Variants in PRRC1 observed in about 807,000 individuals in gnomAD.
PRRC1 encodes the protein protein PRRC1.
PRRC1 carries 39 observed loss-of-function variants against 40.7 expected under a neutral mutation model. That is an observed-to-expected ratio of 0.96 (90% confidence interval 0.74 to 1.25). PRRC1 has a LOEUF of 1.25. Ranked by LOEUF, PRRC1 falls within the 50% of genes most tolerant of loss-of-function variation. The pLI, the probability that PRRC1 is intolerant of heterozygous loss-of-function variation, is 0.00. For missense variants in PRRC1, 573 were observed against 548.3 expected, an observed-to-expected ratio of 1.05 and a Z score of -0.45; for synonymous variants, 175 against 193.3, an observed-to-expected ratio of 0.91 and a Z score of 0.79.
chr5:127,531,621 T>C (rs1767774426), intron 5 of PRRC1, among the ~76,000 whole-genome samples: 1 of 61,782 alleles, frequency 1.6e-5, no homozygotes, highest in African/African-American at 5.7e-5. Flanking sequence ...CTTCTTCTTT[T>C]TTTTTTTTTT....
chr5:127,528,885 A>C (rs1246044209), intron 4 of PRRC1, among the ~76,000 whole-genome samples: 1 of 152,100 alleles, frequency 6.6e-6, no homozygotes, highest in East Asian at 1.9e-4. Flanking sequence ...TTGTGTGTTA[A>C]AATCAGCTTC....
intron 1 of PRRC1, among the ~76,000 whole-genome samples, chr5:127,518,671 C>G (rs1767380805): frequency 1.3e-5 from 2 of 151,812 alleles, no homozygotes; most frequent in African/African-American, 4.8e-5. Context: ...GCTCTTAATG[C>G]TTTAAAGTTT....
chr5:127,542,805 T>G (rs1421499939), intron 7 of PRRC1, among the ~76,000 whole-genome samples: 1 of 151,246 alleles, frequency 6.6e-6, no homozygotes, highest in Non-Finnish European at 1.5e-5. Context: ...TACAGCACAC[T>G]GATGGGTCTT....
chr5:127,540,862 T>C (rs1420226665), intron 7 of PRRC1, among the ~76,000 whole-genome samples: 1 of 152,038 alleles, frequency 6.6e-6, no homozygotes, highest in South Asian at 2.1e-4. Flanking sequence ...TAGATGAATA[T>C]GTTGCGAAAA....
chr5:127,526,838 T>A (rs1288825323), intron 4 of PRRC1, 60 bp downstream of exon 4: 79 of 1,322,998 alleles, frequency 6.0e-5, no homozygotes, highest in Non-Finnish European at 7.9e-5. Context: ...AGATATTCAT[T>A]AGAGAAAATA....
In PRRC1 at chr5:127,552,573, A is replaced by G. The variant is rs1028530301; in HGVS notation, c.*657A>G. On this transcript the variant is annotated 3_prime_UTR_variant, in exon 9 of 9. Transcript: ENST00000296666. ...TTAAACATAACTTTTGGCATTTCCC[A>G]GATTTATACTATGAACATTGGGGTA... The G allele has an allele frequency of 1.1e-4, 108 of 985,462 alleles. No individual in the cohort carries two copies. In the African/African-American group the frequency reaches 1.8e-3, roughly 17 times the overall value. 61.0% of individuals were successfully genotyped at this position (985,462 alleles called of 1,614,324 possible).
chr5:127,530,748 T>G (rs544003971), intron 5 of PRRC1, among the ~76,000 whole-genome samples: 21 of 147,708 alleles, frequency 1.4e-4, no homozygotes, highest in African/African-American at 5.2e-4. Context: ...GTTTCATACT[T>G]TTTTTTTTTT....
rs1768395065 is a variant in PRRC1 at position 127,551,854 on chromosome 5, T to C, written c.1276T>C (p.Tyr426His). 6.2e-7 allele frequency: 1 copy of C among 1,613,974 alleles called. No individual in the cohort carries two copies. Among genetic ancestry groups the C allele is most frequent in the Non-Finnish European group, 8.5e-7 (1 of 1,179,996 alleles). The stretch of plus-strand genomic sequence containing the variant: ...TGGGATGTCCCGTCGGCAGATGATC[T>C]ACAGTGCAGCCAGAGCGATAGCGGG... ...FTGMSRRQMI[Y>H]SAARAIAGMY... The change falls in exon 9 of 9, where the codon TAC becomes CAC. Residue 426 changes from tyrosine (Y) to histidine (H), a missense_variant. Coordinates refer to ENST00000296666, the MANE Select transcript of PRRC1 (RefSeq NM_130809.5).
intron 1 of PRRC1, among the ~76,000 whole-genome samples, chr5:127,522,187 A>C (rs1767478030): frequency 2.0e-5 from 3 of 152,210 alleles, no homozygotes; most frequent in Non-Finnish European, 1.5e-5. Context: ...TGTACTTGAG[A>C]TACACTTCAG....
intron 5 of PRRC1, among the ~76,000 whole-genome samples, chr5:127,532,039 T>C (rs1018837160): frequency 1.3e-5 from 2 of 152,010 alleles, no homozygotes; most frequent in Non-Finnish European, 2.9e-5. Context: ...AAAGCTGACA[T>C]CTTTACTGAC....
In PRRC1 at chr5:127,553,865, C is replaced by T; in HGVS notation, c.*1949C>T. On this transcript the variant is annotated 3_prime_UTR_variant, in exon 9 of 9. Transcript: ENST00000296666. ...GGCTTGGTTGAAGCTAGAAATTTTC[C>T]TGCCCCTGGTGACCTGGTAAGCCTC... The T allele has an allele frequency of 2.6e-6, 4 of 1,535,730 alleles. No homozygotes were observed. Among genetic ancestry groups the T allele is most frequent in the Non-Finnish European group, 3.5e-6 (4 of 1,146,648 alleles).
intron 7 of PRRC1, among the ~76,000 whole-genome samples, chr5:127,543,269 T>A (rs574138162): frequency 2.0e-5 from 3 of 152,332 alleles, no homozygotes; most frequent in Admixed American, 6.5e-5. Flanking sequence ...CTTCCCTTTG[T>A]GGGTAACCCG....
chr5:127,547,885 A>C lies in PRRC1; in HGVS notation c.1092A>C (p.Thr364=). The C allele has an allele frequency of 3.7e-6, 6 of 1,613,766 alleles. No homozygotes were observed. The highest frequency in any genetic ancestry group is 5.1e-6 in the Non-Finnish European group (6 of 1,179,734). The change falls in exon 8 of 9, where the codon ACA becomes ACC. Residue 364 remains threonine, a synonymous_variant. Coordinates refer to ENST00000296666, the MANE Select transcript of PRRC1 (RefSeq NM_130809.5). ...ATGGCATTCATCTAGAAACATTTACACAAGCCACACCAGTGCCTTTGGAAT... is the reference window on the plus strand; with the variant it reads ...ATGGCATTCATCTAGAAACATTTACCCAAGCCACACCAGTGCCTTTGGAAT... The part of the protein sequence containing the change: ...PVHGIHLETF[T]QATPVPLEFV...
Position 127,554,120 on chromosome 5 carries a change from C to G in PRRC1, c.*2204C>G, listed in dbSNP as rs373715583. ...AAGAAAAGTAACTCATCATCTCTAA[C>G]ACACCATGGCAGCTTAGCCAGGTAG... is the stretch of plus-strand genomic sequence containing the variant. On this transcript the variant is annotated 3_prime_UTR_variant, in exon 9 of 9. Coordinates refer to ENST00000296666, the MANE Select transcript of PRRC1 (RefSeq NM_130809.5). 8 of 425,300 alleles carry G rather than the reference C, an allele frequency of 1.9e-5. No homozygotes were observed. Among genetic ancestry groups the G allele is most frequent in the African/African-American group, 8.2e-5 (4 of 48,952 alleles). 26.3% of individuals were successfully genotyped at this position (425,300 alleles called of 1,614,324 possible). A position where few individuals can be genotyped will look rare whatever the true frequency, so the allele number is the denominator to read the frequency against.
At chr5:127,539,558 T>C (rs1767984615) in intron 7 of PRRC1, among the ~76,000 whole-genome samples, 1 of 152,052 alleles carries the variant, frequency 6.6e-6, no homozygotes, top group Admixed American at 6.6e-5. Flanking sequence ...CCTGTACTCA[T>C]AATAGTTTAG....
Position 127,526,618 on chromosome 5 carries a change from G to A in PRRC1, c.494G>A (p.Gly165Asp). Residue 165 changes from glycine (G) to aspartate (D), a missense_variant and splice_region_variant, in exon 4 of 9, where the codon GGT (glycine) becomes GAT (aspartate). By Grantham distance (94) the Gly-to-Asp change is moderately conservative (BLOSUM62 -1). Transcript: ENST00000296666. ...MPSFSAPSGT[G>D]LLPTPITQQA... is the part of the protein sequence containing the mutation. ...TATGAAAATTTTTGCCATTGATTAG[G>A]TCTTTTGCCAACTCCTATTACTCAG... is the stretch of plus-strand genomic sequence containing the variant. 1.2e-6 allele frequency: 2 copies of A among 1,601,670 alleles called. No individual in the cohort carries two copies. Among genetic ancestry groups the A allele is most frequent in the African/African-American group, 1.3e-5 (1 of 74,550 alleles).
chr5:127,520,243 G>T (rs1379699395), intron 1 of PRRC1, among the ~76,000 whole-genome samples: 2 of 152,166 alleles, frequency 1.3e-5, no homozygotes, highest in Non-Finnish European at 1.5e-5. Context: ...ACCCCTTGGG[G>T]GCATAATCAG....
At chr5:127,543,430 AT>A (rs968789546) in intron 7 of PRRC1, among the ~76,000 whole-genome samples, 1 of 151,962 alleles carries the variant, frequency 6.6e-6, no homozygotes, top group African/African-American at 2.4e-5. Flanking sequence ...GCCTTGCTAG[AT>A]TGGGGAAGTT....
chr5:127,524,497 A>T (rs1340023274), intron 2 of PRRC1, 34 bp from the exon 3 acceptor site: 2 of 1,546,852 alleles, frequency 1.3e-6, no homozygotes, highest in Non-Finnish European at 1.7e-6. Flanking sequence ...AACATTTCTA[A>T]TTCTGTGCTT....
Sources: gnomAD v4.1 joint callset for allele counts (sites outside exome capture counted in the v4.1 genomes callset) on GRCh38, gnomAD v4.1.1 for gene constraint, MANE v1.5 for transcripts, NCBI Gene and HGNC (gene_info 2026-07-23, HGNC 2026-07-21) for gene names.